STPG4: variants seen among roughly 807,000 people sequenced by gnomAD.
STPG4 encodes protein STPG4.
STPG4 carries 41 observed loss-of-function variants against 31.5 expected under a neutral mutation model. That is an observed-to-expected ratio of 1.30 (90% CI 1.01 to 1.69). STPG4 has a LOEUF of 1.69. Among genes scored for constraint, STPG4 ranks in the 40% most tolerant of loss-of-function variants. The pLI is 0.00. For missense variants in STPG4, 375 were observed against 293.4 expected (o/e 1.28, Z -2.03); for synonymous variants, 141 against 103.0 (o/e 1.37, Z -2.24).
At chr2:47,119,756 C>T (rs559006819) in intron 5 of STPG4, among the ~76,000 whole-genome samples, 4 of 152,272 alleles carry the variant, frequency 2.6e-5, no homozygotes, top group African/African-American at 7.2e-5. Context: ...TAGTAGAAAA[C>T]GGGAAGGCAT....
chr2:47,127,371 C>T (rs529376378), intron 5 of STPG4, among the ~76,000 whole-genome samples: 7 of 147,152 alleles, frequency 4.8e-5, no homozygotes, highest in South Asian at 2.1e-4. Context: ...CAGGTTCAAG[C>T]GATTCTCATG....
chr2:47,147,046 G>T (rs562467787), intron 3 of STPG4, among the ~76,000 whole-genome samples: 3 of 152,226 alleles, frequency 2.0e-5, no homozygotes, highest in African/African-American at 7.2e-5. Flanking sequence ...AAGCTAAGGG[G>T]GAGGATTGCT....
chr2:47,141,856 A>T (rs931127516), intron 3 of STPG4, among the ~76,000 whole-genome samples: 1 of 150,102 alleles, frequency 6.7e-6, no homozygotes, highest in African/African-American at 2.5e-5. Flanking sequence ...TAGTGAACAC[A>T]CTGAACACCT....
intron 5 of STPG4, among the ~76,000 whole-genome samples, chr2:47,099,902 G>A (rs1244225086): frequency 1.3e-5 from 2 of 152,152 alleles, no homozygotes; most frequent in Non-Finnish European, 2.9e-5. Flanking sequence ...GGTGTACTGG[G>A]TCCCCCAGCA....
intron 5 of STPG4, among the ~76,000 whole-genome samples, chr2:47,124,698 C>T (rs915693957): frequency 6.6e-6 from 1 of 152,146 alleles, no homozygotes; most frequent in African/African-American, 2.4e-5. Flanking sequence ...AGGTTGCTTC[C>T]AAATCTTGGT....
At chr2:47,099,742 G>A (rs1488438088) in intron 5 of STPG4, among the ~76,000 whole-genome samples, 6 of 152,352 alleles carry the variant, frequency 3.9e-5, no homozygotes, top group East Asian at 1.9e-4. Context: ...GGAGAGGCGC[G>A]AGTGGGAACC....
chr2:47,124,458 T>C (rs532735796), intron 5 of STPG4, among the ~76,000 whole-genome samples: 1 of 152,314 alleles, frequency 6.6e-6, no homozygotes, highest in East Asian at 1.9e-4. Context: ...TTCTACTCTC[T>C]ATCTGCATGA....
At chr2:47,106,861 G>A (rs547215898) in intron 5 of STPG4, among the ~76,000 whole-genome samples, 8 of 151,736 alleles carry the variant, frequency 5.3e-5, no homozygotes, top group Non-Finnish European at 7.4e-5. Flanking sequence ...CTCTAGAATC[G>A]AGGCCATCAA....
At chr2:47,135,064 T>A (rs1288653100) in intron 3 of STPG4, among the ~76,000 whole-genome samples, 1 of 152,204 alleles carries the variant, frequency 6.6e-6, no homozygotes, top group Non-Finnish European at 1.5e-5. Context: ...TTGCTGGGTT[T>A]TCAGAGTTCT....
chr2:47,105,693 C>T (rs542171261), intron 5 of STPG4, among the ~76,000 whole-genome samples: 16 of 152,122 alleles, frequency 1.1e-4, no homozygotes, highest in African/African-American at 3.9e-4. Flanking sequence ...GTGATGTAAC[C>T]ATACTTGAAA....
intron 5 of STPG4, among the ~76,000 whole-genome samples, chr2:47,090,811 C>G (rs1573142175): frequency 6.6e-6 from 1 of 152,288 alleles, no homozygotes; most frequent in South Asian, 2.1e-4. Context: ...TATATGTTAT[C>G]TCAGTCCAAA....
chr2:47,114,880 GC>G (rs1686114483), intron 5 of STPG4, among the ~76,000 whole-genome samples: 1 of 152,068 alleles, frequency 6.6e-6, no homozygotes. Flanking sequence ...CAATTCTCCT[GC>G]CTCAGCATCC....
chr2:47,129,949 A>C lies in STPG4; in HGVS notation c.511T>G (p.Phe171Val). 6.2e-7 allele frequency: 1 copy of C among 1,610,816 alleles called. No individual in the cohort carries two copies. Among genetic ancestry groups the C allele is most frequent in the Non-Finnish European group, 8.5e-7 (1 of 1,177,726 alleles). ...STVQRFPTTYFIPHEGPGPGH... is the reference protein window; with the variant it reads ...STVQRFPTTYVIPHEGPGPGH... ...GTCTACATTATACTTACGGGAATAA[A>C]ATAGGTTGTTGGGAATCTTTGAACT... The change falls in exon 5 of 7, where the codon TTT becomes GTT. Residue 171 changes from phenylalanine to valine, a missense_variant. By Grantham distance (50) the Phe-to-Val change is conservative. Coordinates refer to ENST00000445927, the MANE Select transcript of STPG4 (RefSeq NM_001163561.2).
intron 5 of STPG4, among the ~76,000 whole-genome samples, chr2:47,110,409 C>T (rs1361952441): frequency 6.6e-6 from 1 of 152,186 alleles, no homozygotes; most frequent in Non-Finnish European, 1.5e-5. Context: ...GCCTGGCCAG[C>T]ATGGCAAAAC....
At chr2:47,128,185 T>C (rs1686401610) in intron 5 of STPG4, among the ~76,000 whole-genome samples, 1 of 152,140 alleles carries the variant, frequency 6.6e-6, no homozygotes, top group South Asian at 2.1e-4. Flanking sequence ...TTCCCTTCCC[T>C]TCCCCCAAAC....
intron 5 of STPG4, among the ~76,000 whole-genome samples, chr2:47,124,269 G>A (rs1485375270): frequency 6.6e-6 from 1 of 152,084 alleles, no homozygotes; most frequent in Non-Finnish European, 1.5e-5. Context: ...ACAGGTGTGA[G>A]CCACCGTGCC....
At chr2:47,153,577 AC>A (rs1686976374) in intron 1 of STPG4, among the ~76,000 whole-genome samples, 1 of 152,100 alleles carries the variant, frequency 6.6e-6, no homozygotes, top group South Asian at 2.1e-4. Flanking sequence ...ACATGTTGAA[AC>A]CCTATCTGTA....
intron 5 of STPG4, among the ~76,000 whole-genome samples, chr2:47,108,108 T>G (rs578042755): frequency 3.3e-5 from 5 of 151,818 alleles, no homozygotes; most frequent in African/African-American, 1.2e-4. Flanking sequence ...ACTCTGTATC[T>G]AGTTAATCTA....
intron 3 of STPG4, among the ~76,000 whole-genome samples, chr2:47,134,474 G>C (rs1401013614): frequency 6.6e-6 from 1 of 152,028 alleles, no homozygotes; most frequent in East Asian, 1.9e-4. Flanking sequence ...TTTTCAGATT[G>C]GCTTCTTTCA....
Sources: allele counts gnomAD v4.1 joint callset (sites outside exome capture counted in the v4.1 genomes callset), GRCh38; gene constraint gnomAD v4.1.1; transcripts MANE v1.5; gene names NCBI Gene and HGNC (gene_info 2026-07-23, HGNC 2026-07-21).